The following TCF4 variants were observed in gnomAD, a reference collection of about 807,000 sequenced individuals.
TCF4 encodes the protein transcription factor 4, also known as SL3-3 enhancer factor 2.
Under a neutral mutation model 82.1 loss-of-function variants are expected in TCF4, and 3 were observed. The observed-to-expected ratio is 0.04, with a 90% CI of 0.02 to 0.09. The LOEUF is 0.09. TCF4 is among the 10% of genes least tolerant of loss of function. The pLI is 1.00. For missense variants in TCF4, 518 were observed against 852.7 expected (o/e 0.61, Z 4.89); for synonymous variants, 276 against 309.6 (o/e 0.89, Z 1.14).
intron 5 of TCF4, chr18:55,422,085 T>C (rs932681098): frequency 1.8e-6 from 1 of 560,818 alleles, no homozygotes; most frequent in Non-Finnish European, 2.0e-6. Flanking sequence ...GGGAATAGAT[T>C]AAAAAGAAAA....
intron 8 of TCF4, among the ~76,000 whole-genome samples, chr18:55,320,645 C>A (rs2075265460): frequency 6.6e-6 from 1 of 152,236 alleles, no homozygotes; most frequent in Non-Finnish European, 1.5e-5. Context: ...CCTGAAAGCT[C>A]TGATCTGTCC....
Position 55,254,601 on chromosome 18 carries a change from C to T in TCF4, c.1246G>A (p.Gly416Arg). Reference sequence around the variant, plus strand: ...GGTCCAATGATTCCATGCATGTCCCCATGACCACCAGGCATAGCTGTGGAT... The same window carrying T: ...GGTCCAATGATTCCATGCATGTCCCTATGACCACCAGGCATAGCTGTGGAT... ...GPSTAMPGGH[G>R]DMHGIIGPSH... Residue 416 changes from glycine to arginine, a missense_variant, in exon 15 of 20, where the codon GGG becomes AGG. This residue lies in a region of TCF4 where 144 missense variants were observed against 190.2 expected (regional missense o/e 0.76). Transcript: ENST00000354452. The T allele has an allele frequency of 6.2e-7, 1 of 1,613,698 alleles. No homozygotes were observed. The highest frequency in any genetic ancestry group is 8.5e-7 in the Non-Finnish European group (1 of 1,179,852).
chr18:55,284,989 T>G lies in TCF4; in HGVS notation c.550-5333A>C, dbSNP rs1351422366. 2.6e-5 allele frequency among the ~76,000 whole-genome samples: 4 copies of G among 152,206 alleles called. No individual in the cohort carries two copies. The East Asian group carries it at 7.7e-4, about 29-fold the overall frequency. ...TTAGCTTACTACTCAAGAAGCTGGG[T>G]TGGACCCTCAACTCTTAATATTTTT... On this transcript the variant is annotated intron_variant, in intron 8 of 19. Coordinates refer to ENST00000354452, the MANE Select transcript of TCF4 (RefSeq NM_001083962.2).
Position 55,403,445 on chromosome 18 carries a change from C to G in TCF4, c.369+9G>C, listed in dbSNP as rs751625112. 2.8e-5 allele frequency: 45 copies of G among 1,613,632 alleles called. No individual in the cohort carries two copies. The highest frequency in any genetic ancestry group is 3.6e-5 in the Non-Finnish European group (43 of 1,179,724). ...TCTCAACCCTTCCGCAACAGAGATT[C>G]TCACTTACCTGGTGGCAACCCTGTA... On this transcript the variant is annotated intron_variant, in intron 6 of 19. Transcript: ENST00000354452.
At chr18:55,312,089 A>G (rs376119581) in intron 8 of TCF4, among the ~76,000 whole-genome samples, 1 of 152,220 alleles carries the variant, frequency 6.6e-6, no homozygotes, top group East Asian at 1.9e-4. Flanking sequence ...TTGTCTATAC[A>G]TAATTCCACA....
At chr18:55,367,247 C>A (rs533811601) in intron 6 of TCF4, among the ~76,000 whole-genome samples, 3 of 152,194 alleles carry the variant, frequency 2.0e-5, no homozygotes, top group African/African-American at 4.8e-5. Flanking sequence ...TATGTGTATG[C>A]GAGTGTGTGT....
chr18:55,471,670 G>T (rs1418915523), intron 3 of TCF4, among the ~76,000 whole-genome samples: 1 of 151,664 alleles, frequency 6.6e-6, no homozygotes, highest in Non-Finnish European at 1.5e-5. Flanking sequence ...AGAGGCTGAG[G>T]CACTAGAATC....
At chr18:55,260,077 TCA>T (rs995742000) in intron 12 of TCF4, 50 bp from the exon 13 acceptor site, 1 of 1,384,078 alleles carries the variant, frequency 7.2e-7, no homozygotes, top group Non-Finnish European at 1.0e-6. Context: ...TTAAAATAAT[TCA>T]CACTTTTCTA....
chr18:55,555,061 A>C (rs1157701490), intron 3 of TCF4, among the ~76,000 whole-genome samples: 1 of 152,170 alleles, frequency 6.6e-6, no homozygotes, highest in Non-Finnish European at 1.5e-5. Flanking sequence ...TAAATAATTC[A>C]CCAGGAAAAT....
intron 5 of TCF4, among the ~76,000 whole-genome samples, chr18:55,405,495 C>A (rs970934254): frequency 4.6e-5 from 7 of 152,124 alleles, no homozygotes; most frequent in Admixed American, 1.3e-4. Context: ...GAAAAAGCAT[C>A]TATTTTTTTC....
intron 6 of TCF4, among the ~76,000 whole-genome samples, chr18:55,365,191 A>ATATATATATATATATGTGTGTGTG (rs1361444592): frequency 2.0e-5 from 2 of 97,942 alleles, no homozygotes; most frequent in African/African-American, 1.0e-4. Context: ...ATATATATAT[A>ATATATATATATATATGTGTGTGTG]TGTGTGTGTG....
rs1555791340 is a variant in TCF4 at position 55,621,409 on chromosome 18, G to GAC, written c.286+9888_286+9889insGT. Among the ~76,000 whole-genome samples the GAC allele has an allele frequency of 2.7e-5, 3 of 113,092 alleles. 1 individual carries two copies. Among genetic ancestry groups the GAC allele is most frequent in the African/African-American group, 6.8e-5 (2 of 29,446 alleles). The allele number at this position is 113,092 out of a possible 152,430, so 74.2% of individuals were successfully genotyped here. ...CTGCCTGGTATATGGGGTACTGCCT[G>GAC]ATATATATATTATATATAATATATA... On this transcript the variant is annotated intron_variant, in intron 2 of 20. Coordinates refer to the TCF4 transcript ENST00000398339.
At chr18:55,566,977 G>C (rs2147445624) in intron 3 of TCF4, among the ~76,000 whole-genome samples, 1 of 152,216 alleles carries the variant, frequency 6.6e-6, no homozygotes, top group East Asian at 1.9e-4. Flanking sequence ...GAAAAGGGTA[G>C]ATCTACTAGA....
intron 15 of TCF4, among the ~76,000 whole-genome samples, chr18:55,248,087 A>G (rs1040317083): frequency 6.6e-6 from 1 of 152,206 alleles, no homozygotes; most frequent in African/African-American, 2.4e-5. Flanking sequence ...GAAATGAAGT[A>G]TGCACTCAAA....
intron 3 of TCF4, among the ~76,000 whole-genome samples, chr18:55,554,532 GAA>G (rs2097287930): frequency 6.6e-6 from 1 of 152,048 alleles, no homozygotes; most frequent in Non-Finnish European, 1.5e-5. Flanking sequence ...GTACTCCTCT[GAA>G]CATGACTTCT....
At chr18:55,365,800 G>T (rs2086878051) in intron 6 of TCF4, among the ~76,000 whole-genome samples, 1 of 152,080 alleles carries the variant, frequency 6.6e-6, no homozygotes, top group Non-Finnish European at 1.5e-5. Flanking sequence ...GGTGAGGCAG[G>T]AGAATCGCTT....
At position 55,609,147 on chromosome 18, in the gene TCF4, C is replaced by A. The variant is rs777173173; in HGVS notation, c.287-22011G>T. 7.4e-4 allele frequency among the ~76,000 whole-genome samples: 113 copies of A among 152,160 alleles called. 1 individual carries two copies. Among genetic ancestry groups the A allele is most frequent in the Non-Finnish European group, 3.2e-4 (22 of 68,024 alleles). On this transcript the variant is annotated intron_variant, in intron 2 of 20. Coordinates refer to the TCF4 transcript ENST00000398339. ...CATACCTTACTCTTGGACTTCCCAG[C>A]CCACAGAACTGTGAGAAAAAGATGT...
At chr18:55,604,276 C>T (rs2097700174) in intron 2 of TCF4, among the ~76,000 whole-genome samples, 1 of 151,910 alleles carries the variant, frequency 6.6e-6, no homozygotes, top group Non-Finnish European at 1.5e-5. Flanking sequence ...ATTCTCCCAC[C>T]CCCACCCCAG....
chr18:55,402,095 T>A (rs2093853896), intron 6 of TCF4: 1 of 985,296 alleles, frequency 1.0e-6, no homozygotes, highest in African/African-American at 1.7e-5. Context: ...GGCTGTAAAT[T>A]TCTTTCCTGC....
Sources: allele counts gnomAD v4.1 joint callset (sites outside exome capture counted in the v4.1 genomes callset), GRCh38; gene constraint gnomAD v4.1.1; regional missense constraint gnomAD v4.1.1; transcripts MANE v1.5; gene names NCBI Gene and HGNC (gene_info 2026-07-23, HGNC 2026-07-21).